ACP3: variants seen among roughly 807,000 people sequenced by gnomAD.
The protein encoded by ACP3 is acid phosphatase 3.
Under a neutral mutation model 45.6 loss-of-function variants are expected in ACP3, and 38 were observed. That is an observed-to-expected ratio of 0.83 (90% CI 0.64 to 1.09). ACP3 has a LOEUF of 1.09. Among genes scored for constraint, ACP3 ranks in the 50% least tolerant of loss-of-function variants. The pLI is 0.00. For synonymous variants in ACP3, 162 were observed against 164.7 expected (o/e 0.98, Z 0.13); for missense variants, 466 against 463.2 (o/e 1.01, Z -0.05).
intron 8 of ACP3, among the ~76,000 whole-genome samples, chr3:132,350,853 T>G (rs764081088): frequency 1.3e-5 from 2 of 152,154 alleles, no homozygotes; most frequent in Non-Finnish European, 2.9e-5. Context: ...ATTAATTATT[T>G]TATAGAATAA....
chr3:132,366,012 G>T (rs1334334051), intron 10 of ACP3, among the ~76,000 whole-genome samples: 4 of 151,298 alleles, frequency 2.6e-5, no homozygotes, highest in Non-Finnish European at 4.4e-5. Context: ...AAGGATTGTG[G>T]CCTTGTGGCC....
intron 5 of ACP3, among the ~76,000 whole-genome samples, chr3:132,341,508 T>G (rs1559836036): frequency 6.6e-6 from 1 of 152,246 alleles, no homozygotes; most frequent in Non-Finnish European, 1.5e-5. Context: ...ATTGAATTAC[T>G]TCCTGTTATT....
At chr3:132,352,863 C>T (rs1005491777) in intron 9 of ACP3, 40 bp downstream of exon 9, 2 of 1,391,854 alleles carry the variant, frequency 1.4e-6, no homozygotes, top group Non-Finnish European at 2.0e-6. Context: ...TATCACTGGA[C>T]CTTGGGTTTC....
At chr3:132,356,662 C>G (rs377210567) in intron 9 of ACP3, 24 bp from the exon 10 acceptor site, 11 of 1,612,946 alleles carry the variant, frequency 6.8e-6, no homozygotes, top group African/African-American at 5.3e-5. Flanking sequence ...TAACAGAGCT[C>G]TCTCCTCTGC....
chr3:132,349,627 C>A (rs1382118566), intron 7 of ACP3, among the ~76,000 whole-genome samples: 2 of 152,112 alleles, frequency 1.3e-5, no homozygotes, highest in Non-Finnish European at 2.9e-5. Context: ...ATGGTAGAGT[C>A]CTAGTGTGCC....
At chr3:132,368,117 A>AAAC in exon 11 of ACP3, 2 of 230,296 alleles carry the variant, frequency 8.7e-6, no homozygotes. Context: ...GGAGAGAAAT[A>AAAC]AGAAGCCAAA....
At chr3:132,332,071 C>T (rs1559831407) in intron 3 of ACP3, 121 bp from the exon 4 acceptor site, 1 of 1,137,382 alleles carries the variant, frequency 8.8e-7, no homozygotes, top group Admixed American at 2.0e-5. Flanking sequence ...CTGATGTTAG[C>T]ACAATGTCTG....
At chr3:132,325,595 A>AACACACACACAC (rs138017217) in intron 1 of ACP3, among the ~76,000 whole-genome samples, 3,050 of 143,706 alleles carry the variant, frequency 0.021, 59 homozygotes, top group African/African-American at 0.043. Flanking sequence ...TCTGATACAA[A>AACACACACACAC]ACACACACAC....
intron 1 of ACP3, among the ~76,000 whole-genome samples, chr3:132,321,756 G>A (rs1339016881): frequency 6.6e-6 from 1 of 152,160 alleles, no homozygotes; most frequent in Non-Finnish European, 1.5e-5. Context: ...GGTATGTCTC[G>A]AAGGAGAGTG....
chr3:132,320,415 TTTAAG>T (rs1937184808), intron 1 of ACP3, among the ~76,000 whole-genome samples: 1 of 152,164 alleles, frequency 6.6e-6, no homozygotes, highest in Admixed American at 6.5e-5. Flanking sequence ...ACTTGAGTTT[TTTAAG>T]TTATTTCATG....
chr3:132,356,581 C>T (rs1459812712), intron 9 of ACP3, 105 bp from the exon 10 acceptor site: 14 of 1,578,478 alleles, frequency 8.9e-6, no homozygotes, highest in Admixed American at 1.9e-5. Flanking sequence ...TAAGTTTTTC[C>T]ATTAGTCCCT....
intron 1 of ACP3, among the ~76,000 whole-genome samples, chr3:132,319,824 A>AT (rs1224352440): frequency 1.3e-5 from 2 of 152,096 alleles, no homozygotes; most frequent in Non-Finnish European, 2.9e-5. Flanking sequence ...CTAGTCTGAG[A>AT]TCCCCCTGTA....
intron 1 of ACP3, among the ~76,000 whole-genome samples, chr3:132,326,307 T>C (rs1024051877): frequency 2.0e-5 from 3 of 152,232 alleles, no homozygotes; most frequent in African/African-American, 7.2e-5. Context: ...ATTGAAACCA[T>C]GTAACAACTT....
intron 4 of ACP3, among the ~76,000 whole-genome samples, chr3:132,336,491 TA>T (rs1937493232): frequency 6.6e-6 from 1 of 152,020 alleles, no homozygotes; most frequent in Non-Finnish European, 1.5e-5. Flanking sequence ...GACTATGAAG[TA>T]GGTTGATAAA....
chr3:132,360,078 A>C (rs140174352), downstream of ACP3, among the ~76,000 whole-genome samples: 362 of 152,254 alleles, frequency 2.4e-3, no homozygotes, highest in Middle Eastern at 0.01. Flanking sequence ...AGCAGGTAAA[A>C]ATTTCAGGGA....
At chr3:132,346,824 A>T (rs146368119) in intron 7 of ACP3, among the ~76,000 whole-genome samples, 2 of 152,190 alleles carry the variant, frequency 1.3e-5, no homozygotes, top group African/African-American at 4.8e-5. Flanking sequence ...AGTGCAGTCT[A>T]CTTTTCAGCA....
chr3:132,356,734 G>A lies in ACP3; in HGVS notation c.1017G>A (p.Pro339=), dbSNP rs755868109. 5.6e-6 allele frequency: 9 copies of A among 1,614,042 alleles called. No homozygotes were observed. The highest frequency in any genetic ancestry group is 4.0e-5 in the African/African-American group (3 of 74,916). The change falls in exon 10 of 10, where the codon CCG becomes CCA. Residue 339 remains proline, a synonymous_variant. Transcript: ENST00000336375. The part of the protein sequence containing the change: ...MYYRNETQHE[P]YPLMLPGCSP... ...ATCGGAATGAGACGCAGCACGAGCC[G>A]TATCCCCTCATGCTACCTGGCTGCA... is the stretch of plus-strand genomic sequence containing the variant.
chr3:132,341,970 C>T (rs1437060794), intron 5 of ACP3, among the ~76,000 whole-genome samples: 1 of 152,276 alleles, frequency 6.6e-6, no homozygotes, highest in South Asian at 2.1e-4. Flanking sequence ...CAGAACCTAG[C>T]GAAAGATTTG....
chr3:132,323,170 GA>G (rs60981392), intron 1 of ACP3, among the ~76,000 whole-genome samples: 438 of 142,734 alleles, frequency 3.1e-3, no homozygotes, highest in Admixed American at 4.7e-3. Flanking sequence ...TGAAAGAAAG[GA>G]AAAAAAAAAA....
Sources: allele counts gnomAD v4.1 joint callset (sites outside exome capture counted in the v4.1 genomes callset), GRCh38; gene constraint gnomAD v4.1.1; transcripts MANE v1.5; gene names NCBI Gene and HGNC (gene_info 2026-07-23, HGNC 2026-07-21).